PARN: variants seen among roughly 807,000 people sequenced by gnomAD.
PARN encodes poly(A)-specific ribonuclease.
A neutral mutation model predicts 102.8 loss-of-function variants in PARN; 71 were observed. That is an observed-to-expected ratio of 0.69 (90% CI 0.57 to 0.84). The LOEUF (loss-of-function observed/expected upper bound fraction) is 0.84. Among genes scored for constraint, PARN ranks in the 40% least tolerant of loss-of-function variants. The pLI is 0.00. For synonymous variants in PARN, 261 were observed against 252.9 expected (o/e 1.03, Z -0.30); for missense variants, 782 against 760.9 (o/e 1.03, Z -0.33).
chr16:14,445,909 G>A (rs1290380575), intron 23 of PARN, among the ~76,000 whole-genome samples: 1 of 152,116 alleles, frequency 6.6e-6, no homozygotes, highest in Admixed American at 6.5e-5. Flanking sequence ...TGGGACTTTG[G>A]GCAACTCACA....
chr16:14,528,748 G>A (rs1966150650), intron 21 of PARN, among the ~76,000 whole-genome samples: 1 of 152,026 alleles, frequency 6.6e-6, no homozygotes. Flanking sequence ...TTTAACCTCT[G>A]GAGCTAAGGA....
chr16:14,568,591 G>C (rs1426253395), intron 18 of PARN, among the ~76,000 whole-genome samples: 1 of 151,722 alleles, frequency 6.6e-6, no homozygotes, highest in African/African-American at 2.4e-5. Flanking sequence ...GCCAGACCCT[G>C]TCTCAAAAAA....
intron 23 of PARN, among the ~76,000 whole-genome samples, chr16:14,445,111 AG>A: frequency 7.0e-6 from 1 of 143,176 alleles, no homozygotes; most frequent in Admixed American, 7.7e-5. Flanking sequence ...TATAGTTGTG[AG>A]CTACCATGCC....
intron 22 of PARN, among the ~76,000 whole-genome samples, chr16:14,476,720 G>A (rs893759567): frequency 2.6e-5 from 4 of 152,172 alleles, no homozygotes; most frequent in Non-Finnish European, 2.9e-5. Flanking sequence ...GGGCAAGGCT[G>A]TGTTCCAACA....
At chr16:14,437,448 G>A (rs1960751345) in intron 23 of PARN, among the ~76,000 whole-genome samples, 1 of 152,208 alleles carries the variant, frequency 6.6e-6, no homozygotes, top group South Asian at 2.1e-4. Context: ...GAAGCTGGCT[G>A]GGGTCCTCTT....
chr16:14,604,977 T>C (rs1434459134), intron 10 of PARN, among the ~76,000 whole-genome samples: 3 of 151,992 alleles, frequency 2.0e-5, no homozygotes, highest in East Asian at 1.9e-4. Flanking sequence ...ATCACTCCCA[T>C]TGCTCAGGCT....
chr16:14,610,582 G>A (rs1971466357), intron 7 of PARN, 62 bp downstream of exon 7: 5 of 981,036 alleles, frequency 5.1e-6, no homozygotes, highest in South Asian at 4.1e-5. Context: ...TTGAGATATA[G>A]ATGCCTGTCA....
At chr16:14,533,377 G>A (rs1966458750) in intron 21 of PARN, among the ~76,000 whole-genome samples, 1 of 148,874 alleles carries the variant, frequency 6.7e-6, no homozygotes, top group Non-Finnish European at 1.5e-5. Flanking sequence ...CTTCGGCTTG[G>A]CATCAGAGGG....
At chr16:14,443,298 A>G (rs1961026798) in intron 23 of PARN, among the ~76,000 whole-genome samples, 1 of 152,096 alleles carries the variant, frequency 6.6e-6, no homozygotes, top group Non-Finnish European at 1.5e-5. Context: ...GCTTGGGTAA[A>G]GAGAAAAAAT....
intron 12 of PARN, among the ~76,000 whole-genome samples, chr16:14,597,629 A>G (rs1424998392): frequency 4.6e-5 from 7 of 151,930 alleles, no homozygotes. Context: ...CCCAGGAGGC[A>G]GAGCTTGCAG....
rs566561740 is a variant in PARN, at chr16:14,470,445, T to C, written c.1670+12193A>G. On this transcript the variant is annotated intron_variant, in intron 22 of 23. Transcript: ENST00000437198. ...AATCTTAGAGTTTGGATGATTATTATTATTATTATTATTATTATTATTATT... is the reference window on the plus strand; with the variant it reads ...AATCTTAGAGTTTGGATGATTATTACTATTATTATTATTATTATTATTATT... 2.9e-5 allele frequency among the ~76,000 whole-genome samples: 3 copies of C among 101,726 alleles called. No individual in the cohort carries two copies. The South Asian group carries it at 8.4e-4, about 28-fold the overall frequency. The allele number at this position is 101,726 out of a possible 152,430, so 66.7% of individuals were successfully genotyped here.
chr16:14,464,996 G>A (rs889295938), intron 22 of PARN, among the ~76,000 whole-genome samples: 4 of 152,176 alleles, frequency 2.6e-5, no homozygotes, highest in South Asian at 4.1e-4. Flanking sequence ...ATAACAGATG[G>A]AAATATGTAT....
intron 23 of PARN, among the ~76,000 whole-genome samples, chr16:14,438,845 G>A (rs1960825536): frequency 6.6e-6 from 1 of 152,154 alleles, no homozygotes; most frequent in East Asian, 1.9e-4. Flanking sequence ...AGAACTGTAG[G>A]AGCCATCTAC....
In PARN at chr16:14,627,189, TG is replaced by T; in HGVS notation, c.246-3del. 1 of 1,592,510 alleles carries T rather than the reference TG, an allele frequency of 6.3e-7. No individual in the cohort carries two copies. Among genetic ancestry groups the T allele is most frequent in the Non-Finnish European group, 8.6e-7 (1 of 1,163,466 alleles). On this transcript the variant is annotated splice_region_variant and splice_polypyrimidine_tract_variant and intron_variant, in intron 4 of 23. Coordinates refer to ENST00000437198, the MANE Select transcript of PARN (RefSeq NM_002582.4). ...AAGTTAAATGACTTCGTTATATACC[TG>T]GGATAAGATAAAAGGAGACTTAGGA...
chr16:14,558,722 T>C (rs933506534), intron 18 of PARN, among the ~76,000 whole-genome samples: 1 of 152,182 alleles, frequency 6.6e-6, no homozygotes. Context: ...GGATAACTTA[T>C]AATTCTAAGT....
intron 22 of PARN, among the ~76,000 whole-genome samples, chr16:14,460,340 A>G (rs1458002039): frequency 6.6e-6 from 1 of 152,238 alleles, no homozygotes; most frequent in Non-Finnish European, 1.5e-5. Context: ...ACAGACAGAA[A>G]TAAAGGAACT....
At chr16:14,626,773 C>G (rs950077422) in intron 5 of PARN, among the ~76,000 whole-genome samples, 1 of 151,822 alleles carries the variant, frequency 6.6e-6, no homozygotes, top group African/African-American at 2.4e-5. Context: ...TGACCACACT[C>G]GGCAAATTTT....
chr16:14,523,038 A>G (rs1054621631), intron 21 of PARN, among the ~76,000 whole-genome samples: 1 of 152,232 alleles, frequency 6.6e-6, no homozygotes, highest in East Asian at 1.9e-4. Context: ...AAAGAAATTC[A>G]GAAGTAAAAG....
At chr16:14,473,499 T>A (rs779687043) in intron 22 of PARN, among the ~76,000 whole-genome samples, 1 of 152,122 alleles carries the variant, frequency 6.6e-6, no homozygotes, top group Non-Finnish European at 1.5e-5. Flanking sequence ...ATAATTTGGT[T>A]AAGATAAAGA....
Sources: gnomAD v4.1 joint callset for allele counts (sites outside exome capture counted in the v4.1 genomes callset) on GRCh38, gnomAD v4.1.1 for gene constraint, MANE v1.5 for transcripts, NCBI Gene and HGNC (gene_info 2026-07-23, HGNC 2026-07-21) for gene names.